CBLB: variants seen among roughly 807,000 people sequenced by gnomAD.
CBLB encodes Cbl proto-oncogene B, also known as E3 ubiquitin-protein ligase CBL-B.
CBLB carries 31 observed loss-of-function variants against 104.9 expected under a neutral mutation model. The ratio of observed to expected loss-of-function variants is 0.30; its 90% CI spans 0.22 to 0.40. CBLB has a LOEUF of 0.40. CBLB is among the 10% of genes least tolerant of loss of function. The pLI is 1.00. For missense variants in CBLB, 1,062 were observed against 1,214.6 expected (o/e 0.87, Z 1.87); for synonymous variants, 440 against 422.6 (o/e 1.04, Z -0.51).
chr3:105,738,621 G>C (rs1284496924), intron 7 of CBLB, among the ~76,000 whole-genome samples: 2 of 151,946 alleles, frequency 1.3e-5, no homozygotes, highest in Non-Finnish European at 2.9e-5. Flanking sequence ...ATCATGATTA[G>C]GGTACCATAG....
chr3:105,815,443 A>G (rs2084914299), intron 3 of CBLB, among the ~76,000 whole-genome samples: 2 of 152,228 alleles, frequency 1.3e-5, no homozygotes, highest in African/African-American at 4.8e-5. Context: ...ACTGAAAGAA[A>G]TTTCATGATG....
intron 9 of CBLB, among the ~76,000 whole-genome samples, chr3:105,733,048 C>T (rs943908155): frequency 6.6e-6 from 1 of 152,110 alleles, no homozygotes; most frequent in African/African-American, 2.4e-5. Context: ...TTAAAAATCC[C>T]CAATCTTTGT....
intron 4 of CBLB, among the ~76,000 whole-genome samples, chr3:105,760,032 A>C (rs992645261): frequency 6.6e-6 from 1 of 152,186 alleles, no homozygotes; most frequent in Non-Finnish European, 1.5e-5. Context: ...TAAATCTATA[A>C]TCATATTTTT....
intron 2 of CBLB, among the ~76,000 whole-genome samples, chr3:105,854,118 A>AC (rs1303630392): frequency 6.6e-6 from 1 of 152,090 alleles, no homozygotes; most frequent in Non-Finnish European, 1.5e-5. Context: ...ACTGTTCTGA[A>AC]CCCCGAGGAC....
chr3:105,655,516 G>A lies in CBLB; in HGVS notation c.*3454C>T, dbSNP rs73854350. 3.5e-3 allele frequency: 617 copies of A among 176,236 alleles called. 4 individuals carry two copies. Among genetic ancestry groups the A allele is most frequent in the African/African-American group, 0.014 (579 of 42,328 alleles). 10.9% of individuals were successfully genotyped at this position (176,236 alleles called of 1,614,324 possible). A position where few individuals can be genotyped will look rare whatever the true frequency, so the allele number is the denominator to read the frequency against. On this transcript the variant is annotated 3_prime_UTR_variant, in exon 19 of 19. Coordinates refer to ENST00000394030, the MANE Select transcript of CBLB (RefSeq NM_170662.5). ...TAAAAGAACAGATAAAGTACTTGAG[G>A]TTACATAATAACCAGAATTGAAAAG...
At chr3:105,760,455 C>T (rs559879479) in intron 4 of CBLB, among the ~76,000 whole-genome samples, 3 of 152,224 alleles carry the variant, frequency 2.0e-5, no homozygotes, top group Non-Finnish European at 4.4e-5. Context: ...AGGATAAATT[C>T]ATGAGATACA....
intron 3 of CBLB, 78 bp downstream of exon 3, chr3:105,853,336 G>T: frequency 7.0e-7 from 1 of 1,433,672 alleles, no homozygotes. Context: ...CAATTACATG[G>T]TGACGTTTAG....
intron 3 of CBLB, among the ~76,000 whole-genome samples, chr3:105,788,278 G>A (rs1242406426): frequency 6.6e-6 from 1 of 151,962 alleles, no homozygotes; most frequent in African/African-American, 2.4e-5. Flanking sequence ...ATTGGCTTTG[G>A]AGCAGAAGGA....
intron 4 of CBLB, among the ~76,000 whole-genome samples, chr3:105,769,708 C>T (rs925084160): frequency 3.3e-5 from 5 of 152,000 alleles, no homozygotes; most frequent in Non-Finnish European, 7.4e-5. Flanking sequence ...TTAAGTATAC[C>T]GAAATGATAA....
chr3:105,845,623 G>C (rs2090150420), intron 3 of CBLB, among the ~76,000 whole-genome samples: 1 of 151,524 alleles, frequency 6.6e-6, no homozygotes, highest in Non-Finnish European at 1.5e-5. Flanking sequence ...AGCTAGCTAA[G>C]CAGCAGGGGT....
At chr3:105,784,008 A>T (rs2152981851) in intron 3 of CBLB, among the ~76,000 whole-genome samples, 1 of 152,336 alleles carries the variant, frequency 6.6e-6, no homozygotes, top group African/African-American at 2.4e-5. Flanking sequence ...CAGGATTAAC[A>T]TCTCTTTGAT....
upstream of CBLB, chr3:105,869,017 C>G (rs938756971): frequency 7.6e-5 from 83 of 1,088,868 alleles, no homozygotes; most frequent in Non-Finnish European, 8.6e-5. Flanking sequence ...CTGGACACCC[C>G]ACCCCTGTGG....
chr3:105,822,367 A>G (rs529907927), intron 3 of CBLB, among the ~76,000 whole-genome samples: 1 of 152,210 alleles, frequency 6.6e-6, no homozygotes, highest in African/African-American at 2.4e-5. Context: ...TATTCTCAGG[A>G]TGAGCATTCT....
intron 3 of CBLB, among the ~76,000 whole-genome samples, chr3:105,792,746 T>C (rs1417634126): frequency 6.6e-6 from 1 of 152,156 alleles, no homozygotes; most frequent in Non-Finnish European, 1.5e-5. Flanking sequence ...TCAGTCTAAG[T>C]GTGACTCACC....
chr3:105,840,188 G>A (rs28427229), intron 3 of CBLB, among the ~76,000 whole-genome samples: 101,184 of 152,014 alleles, frequency 0.67, 34,920 homozygotes, highest in Middle Eastern at 0.8. Context: ...AAAAAACTAG[G>A]TAATCTTTCT....
At chr3:105,779,462 C>T (rs1249872033) in intron 3 of CBLB, among the ~76,000 whole-genome samples, 2 of 152,116 alleles carry the variant, frequency 1.3e-5, no homozygotes, top group African/African-American at 2.4e-5. Context: ...TTGAAAGAAA[C>T]TCAAGCTCAT....
At chr3:105,807,020 GCTAT>G (rs1294006574) in intron 3 of CBLB, among the ~76,000 whole-genome samples, 1 of 152,098 alleles carries the variant, frequency 6.6e-6, no homozygotes, top group African/African-American at 2.4e-5. Flanking sequence ...CCCACTCACC[GCTAT>G]CTAACTATAG....
At position 105,752,521 on chromosome 3, in the gene CBLB, C is replaced by A. The variant is rs2076683184; in HGVS notation, c.567-903G>T. Among the ~76,000 whole-genome samples, 4 of 152,264 alleles carry A rather than the reference C, an allele frequency of 2.6e-5. No homozygotes were observed. The South Asian group carries it at 8.3e-4, about 32-fold the overall frequency. On this transcript the variant is annotated intron_variant, in intron 4 of 18. Transcript: ENST00000394030. ...TTTAAAACTTAAACTACAATTTTTACAACAGAATAGCATAAAAGCCGTCCC... is the reference window on the plus strand; with the variant it reads ...TTTAAAACTTAAACTACAATTTTTAAAACAGAATAGCATAAAAGCCGTCCC...
At position 105,806,760 on chromosome 3, in the gene CBLB, T is replaced by C. The variant is rs189634606; in HGVS notation, c.420-30218A>G. Reference sequence around the variant, plus strand: ...GATAGAAATGCACAAAAAGGAGATATGGCAAAAATATCCGAAAACTGTTAA... The same window carrying C: ...GATAGAAATGCACAAAAAGGAGATACGGCAAAAATATCCGAAAACTGTTAA... On this transcript the variant is annotated intron_variant, in intron 3 of 18. Coordinates refer to ENST00000394030, the MANE Select transcript of CBLB (RefSeq NM_170662.5). Among the ~76,000 whole-genome samples the C allele has an allele frequency of 5.2e-3, 791 of 152,250 alleles. 8 individuals are homozygous for C. Among genetic ancestry groups the C allele is most frequent in the African/African-American group, 0.018 (743 of 41,534 alleles).
Sources: gnomAD v4.1 joint callset for allele counts (sites outside exome capture counted in the v4.1 genomes callset) on GRCh38, gnomAD v4.1.1 for gene constraint, MANE v1.5 for transcripts, NCBI Gene and HGNC (gene_info 2026-07-23, HGNC 2026-07-21) for gene names.